The following WNK3 variants were observed in gnomAD, a reference collection of about 807,000 sequenced individuals.
WNK3 encodes WNK lysine deficient protein kinase 3.
WNK3 carries 18 observed loss-of-function variants against 116.7 expected under a neutral mutation model. That is an observed-to-expected ratio of 0.15 (90% confidence interval 0.11 to 0.23). The LOEUF is 0.23. Among genes scored for constraint, WNK3 ranks in the 10% least tolerant of loss-of-function variants. The pLI, the probability that WNK3 is intolerant of heterozygous loss-of-function variation, is 1.00. For synonymous variants in WNK3, 404 were observed against 469.4 expected, an observed-to-expected ratio of 0.86 and a Z score of 1.80; for missense variants, 993 against 1,323.8, an observed-to-expected ratio of 0.75 and a Z score of 3.88.
rs781861921 is a variant in WNK3 at position 54,236,284 on chromosome X, A to ATT, written c.4628+652_4628+653dup. Among the ~76,000 whole-genome samples the ATT allele has an allele frequency of 3.5e-4, 31 of 87,819 alleles. 1 individual carries two copies. The highest frequency in any genetic ancestry group is 1.6e-4 in the Non-Finnish European group (7 of 43,634). 76.3% of individuals were successfully genotyped at this position (87,819 alleles called of 115,157 possible). A position where few individuals can be genotyped will look rare whatever the true frequency, so the allele number is the denominator to read the frequency against. On this transcript the variant is annotated intron_variant, in intron 20 of 23. Coordinates refer to ENST00000354646, the Ensembl canonical transcript of WNK3. The stretch of plus-strand genomic sequence containing the variant: ...GCCACCACACCTGGCTAAGTTTTGT[A>ATT]TTTTTTTTTTTTTTTTTAAATACAG...
chrX:54,320,528 T>G (rs1557171977), intron 2 of WNK3, among the ~76,000 whole-genome samples: 1 of 111,993 alleles, frequency 8.9e-6, no homozygotes, highest in East Asian at 2.8e-4. Flanking sequence ...AATATTTTTT[T>G]TCTTTTTAGA....
At chrX:54,309,974 T>C (rs1432028519) in intron 3 of WNK3, among the ~76,000 whole-genome samples, 1 of 110,884 alleles carries the variant, frequency 9.0e-6, no homozygotes, top group Non-Finnish European at 1.9e-5. Flanking sequence ...CTATGTAAAA[T>C]TTTAGTATAT....
chrX:54,246,041 G>A (rs536694811), intron 17 of WNK3, among the ~76,000 whole-genome samples: 2 of 112,218 alleles, frequency 1.8e-5, no homozygotes, highest in Admixed American at 1.9e-4. Flanking sequence ...TAAGAAAGTT[G>A]AAAATCTTTT....
At chrX:54,278,761 G>T (rs1319284857) in intron 10 of WNK3, among the ~76,000 whole-genome samples, 1 of 111,763 alleles carries the variant, frequency 8.9e-6, no homozygotes, top group Non-Finnish European at 1.9e-5. Flanking sequence ...CCTTGTGAAT[G>T]CCTCTAACTT....
chrX:54,281,258 G>A (rs1216239245), intron 10 of WNK3, among the ~76,000 whole-genome samples: 2 of 111,272 alleles, frequency 1.8e-5, no homozygotes, highest in Non-Finnish European at 3.8e-5. Flanking sequence ...GCTGAAGTGG[G>A]CGGATCACTT....
intron 23 of WNK3, 46 bp downstream of exon 23, chrX:54,201,945 G>A: frequency 8.9e-7 from 1 of 1,128,439 alleles, no homozygotes; most frequent in South Asian, 1.9e-5. Flanking sequence ...CAATTTTTAT[G>A]GTTTTAGTTC....
chrX:54,298,153 A>C (rs782626759), intron 7 of WNK3, 22 bp downstream of exon 7: 1 of 985,898 alleles, frequency 1.0e-6, no homozygotes, highest in Admixed American at 2.2e-5. Flanking sequence ...AGGTGAGGGG[A>C]ATAGTGGTAT....
At chrX:54,252,173 A>AC (rs2068140415) in intron 13 of WNK3, among the ~76,000 whole-genome samples, 1 of 111,296 alleles carries the variant, frequency 9.0e-6, no homozygotes, top group East Asian at 2.8e-4. Flanking sequence ...ACCAGCAATA[A>AC]AATGCCAAAA....
chrX:54,268,114 AC>A (rs1557158269), intron 10 of WNK3, among the ~76,000 whole-genome samples: 1 of 108,230 alleles, frequency 9.2e-6, no homozygotes, highest in Non-Finnish European at 1.9e-5. Context: ...ACACACACAC[AC>A]ACACACACAC....
At chrX:54,224,293 A>C (rs782157511) in intron 22 of WNK3, among the ~76,000 whole-genome samples, 2 of 107,642 alleles carry the variant, frequency 1.9e-5, no homozygotes, top group African/African-American at 6.8e-5. Context: ...CAGAGGTTGC[A>C]GTGAGCTGAT....
chrX:54,347,402 C>A (rs1400660890), intron 1 of WNK3, among the ~76,000 whole-genome samples: 3 of 111,666 alleles, frequency 2.7e-5, no homozygotes, highest in Non-Finnish European at 5.6e-5. Context: ...AGGAGAATCA[C>A]TTGAACCCCG....
At chrX:54,346,126 GTGTA>G (rs1245917806) in intron 1 of WNK3, among the ~76,000 whole-genome samples, 27 of 3,583 alleles carry the variant, frequency 7.5e-3, no homozygotes, top group African/African-American at 0.024. Flanking sequence ...ACATATGTGT[GTGTA>G]TATATATATA....
At chrX:54,201,327 T>C (rs1256103899) in intron 23 of WNK3, among the ~76,000 whole-genome samples, 3 of 112,105 alleles carry the variant, frequency 2.7e-5, no homozygotes, top group African/African-American at 6.5e-5. Context: ...CCAGAATGCA[T>C]TGTGGGCATC....
At chrX:54,270,180 C>T (rs1239394265) in intron 10 of WNK3, among the ~76,000 whole-genome samples, 1 of 109,939 alleles carries the variant, frequency 9.1e-6, no homozygotes, top group Admixed American at 9.8e-5. Context: ...ATCCCGGCTC[C>T]CTGCAACCTC....
intron 10 of WNK3, among the ~76,000 whole-genome samples, chrX:54,262,195 T>C (rs1293717118): frequency 8.9e-6 from 1 of 111,976 alleles, no homozygotes; most frequent in Non-Finnish European, 1.9e-5. Flanking sequence ...GTTGTAATTA[T>C]ACAGTTTTTT....
intron 1 of WNK3, among the ~76,000 whole-genome samples, chrX:54,351,052 T>A (rs2069508476): frequency 9.1e-6 from 1 of 110,160 alleles, no homozygotes; most frequent in South Asian, 3.8e-4. Flanking sequence ...TATGGGTGAA[T>A]GCATATAAAA....
At chrX:54,196,905 T>C in exon 24 of WNK3, 1 of 111,839 alleles carries the variant, frequency 8.9e-6, no homozygotes. Flanking sequence ...ATTTAAGATC[T>C]AAAATCATCT....
intron 1 of WNK3, among the ~76,000 whole-genome samples, chrX:54,339,303 T>C (rs781889940): frequency 9.0e-6 from 1 of 111,161 alleles, no homozygotes; most frequent in South Asian, 3.8e-4. Flanking sequence ...AACAAGTATA[T>C]GGAAAACTTG....
At chrX:54,278,051 G>A (rs1465456586) in intron 10 of WNK3, among the ~76,000 whole-genome samples, 2 of 105,333 alleles carry the variant, frequency 1.9e-5, no homozygotes, top group African/African-American at 3.5e-5. Flanking sequence ...CTGAGATCAC[G>A]CCACTGAACT....
Sources: allele counts gnomAD v4.1 joint callset (sites outside exome capture counted in the v4.1 genomes callset), GRCh38; gene constraint gnomAD v4.1.1; transcripts MANE v1.5; gene names NCBI Gene and HGNC (gene_info 2026-07-23, HGNC 2026-07-21).